Variants in ELP2 observed in about 807,000 individuals in gnomAD.
The protein encoded by ELP2 is elongator complex protein 2.
In ELP2, 90 loss-of-function variants were observed where a neutral mutation model predicts 119.2. The observed-to-expected ratio is 0.75, with a 90% CI of 0.64 to 0.90. ELP2 has a LOEUF of 0.90. Ranked by LOEUF, ELP2 falls within the 40% of genes least tolerant of loss-of-function variation. The probability of loss-of-function intolerance (pLI) is 0.00; values close to 1 mark genes in which losing one functional copy is unlikely to be tolerated. For missense variants in ELP2, 921 were observed against 967.8 expected (o/e 0.95, Z 0.64); for synonymous variants, 339 against 331.0 (o/e 1.02, Z -0.26).
rs554587235 is a variant in ELP2 at position 36,138,299 on chromosome 18, T to C, written c.318T>C (p.His106=). ...QLLKAVHLQG[H]EGPVYAVHAV... is the part of the protein sequence containing the mutation. ...TAAAAGCAGTGCATCTTCAAGGCCA[T>C]GAAGGACCTGTTTATGCGGTGCATG... The change falls in exon 4 of 22, where the codon CAT becomes CAC. Residue 106 remains histidine (H), a synonymous_variant. Coordinates refer to ENST00000358232, the MANE Select transcript of ELP2 (RefSeq NM_018255.4). 1.5e-5 allele frequency: 24 copies of C among 1,614,138 alleles called. No homozygotes were observed. Among genetic ancestry groups the C allele is most frequent in the South Asian group, 1.4e-4 (13 of 91,086 alleles).
Position 36,175,068 on chromosome 18 carries a change from T to C in ELP2, c.*427T>C, listed in dbSNP as rs2091192947. 5.6e-6 allele frequency: 1 copy of C among 180,090 alleles called. No individual in the cohort carries two copies. Among genetic ancestry groups the C allele is most frequent in the South Asian group, 1.2e-4 (1 of 8,370 alleles). The allele number at this position is 180,090 out of a possible 1,614,324, so 11.2% of individuals were successfully genotyped here. A position where few individuals can be genotyped will look rare whatever the true frequency, so the allele number is the denominator to read the frequency against. On this transcript the variant is annotated 3_prime_UTR_variant, in exon 22 of 22. Transcript: ENST00000358232. ...ACCCTTTGAAATGCGATGAAAGCTA[T>C]ATGGACCCTTCGCTTTGTTATATAA...
rs780488215 is a variant in ELP2, at chr18:36,167,081, T to C, written c.1955-20T>C. ...CCAGCTTTCTCTGCTTTGTGAATAGTGTATACATATTTCTTTCAGAGCCAG... is the reference window on the plus strand; with the variant it reads ...CCAGCTTTCTCTGCTTTGTGAATAGCGTATACATATTTCTTTCAGAGCCAG... On this transcript the variant is annotated intron_variant, in intron 18 of 21. Coordinates refer to ENST00000358232, the MANE Select transcript of ELP2 (RefSeq NM_018255.4). The C allele has an allele frequency of 1.7e-5, 27 of 1,593,236 alleles. No individual in the cohort carries two copies. The highest frequency in any genetic ancestry group is 8.5e-7 in the Non-Finnish European group (1 of 1,170,760).
intron 12 of ELP2, among the ~76,000 whole-genome samples, chr18:36,155,273 C>A (rs1039010394): frequency 2.1e-5 from 3 of 146,302 alleles, no homozygotes; most frequent in Non-Finnish European, 3.0e-5. Flanking sequence ...CTCCCCCCCC[C>A]CCGCCTCCCA....
chr18:36,160,625 T>G (rs1280443088), intron 16 of ELP2, among the ~76,000 whole-genome samples: 1 of 152,148 alleles, frequency 6.6e-6, no homozygotes, highest in Non-Finnish European at 1.5e-5. Flanking sequence ...ATGGTCTTTT[T>G]GTCTTTGATG....
Position 36,134,926 on chromosome 18 carries a change from C to G in ELP2, c.218-1381C>G, listed in dbSNP as rs144470867. On this transcript the variant is annotated intron_variant, in intron 2 of 21. Transcript: ENST00000358232. ...GAGCCAGGCACAAATGCAAAATTTTCTGAATTATTAAGACTTTGCTATGAT... is the reference window on the plus strand; with the variant it reads ...GAGCCAGGCACAAATGCAAAATTTTGTGAATTATTAAGACTTTGCTATGAT... Among the ~76,000 whole-genome samples the G allele has an allele frequency of 1.2e-3, 177 of 152,202 alleles. No homozygotes were observed. The East Asian group carries it at 0.022, about 19-fold the overall frequency.
intron 2 of ELP2, among the ~76,000 whole-genome samples, 178 bp from the exon 3 acceptor site, chr18:36,136,129 G>C (rs1789551): frequency 1.3e-5 from 2 of 151,954 alleles, no homozygotes; most frequent in Non-Finnish European, 2.9e-5. Context: ...CCTCCTAAAA[G>C]GTGTGTGTGT....
chr18:36,167,309 T>A, intron 19 of ELP2, 87 bp downstream of exon 19: 1 of 1,038,028 alleles, frequency 9.6e-7, no homozygotes, highest in East Asian at 2.8e-5. Flanking sequence ...TAATCCTGCC[T>A]TTCTGTTACA....
In ELP2 at chr18:36,170,201, GTC is replaced by G. The variant is rs1434858322; in HGVS notation, c.2210+9_2210+10del. 4.3e-6 allele frequency: 7 copies of G among 1,614,130 alleles called. No individual in the cohort carries two copies. In the South Asian group the frequency reaches 7.7e-5, roughly 18 times the overall value. On this transcript the variant is annotated splice_donor_region_variant and intron_variant, in intron 20 of 21. Transcript: ENST00000358232. ...AGTGCTCCACCCTTCTCAACGGTCA[GTC>G]TCTGTGTGGGGCTTAGTTTTAAGAG...
chr18:36,166,332 T>TTTG (rs2090902459), intron 18 of ELP2, among the ~76,000 whole-genome samples: 2 of 119,932 alleles, frequency 1.7e-5, no homozygotes, highest in Non-Finnish European at 3.4e-5. Flanking sequence ...TTTTTTTTTT[T>TTTG]TTTTTTTTTT....
At chr18:36,160,592 A>AG (rs34143863) in intron 16 of ELP2, among the ~76,000 whole-genome samples, 3 of 149,784 alleles carry the variant, frequency 2.0e-5, no homozygotes, top group African/African-American at 7.4e-5. Context: ...AAAAAAAAAA[A>AG]GACTTAAGTT....
intron 16 of ELP2, 144 bp downstream of exon 16, chr18:36,160,159 A>G: frequency 1.4e-6 from 1 of 725,648 alleles, no homozygotes; most frequent in Non-Finnish European, 2.5e-6. Flanking sequence ...GTGGCTCTTC[A>G]TAAGGAATGA....
rs536674229 is a variant in ELP2 at position 36,164,028 on chromosome 18, CAT to C, written c.1762-444_1762-443del. ...ATTTTAACAATATTGAGTATTTTGA[CAT>C]ATGAATGCAATATGCCTGTCATTCA... On this transcript the variant is annotated intron_variant, in intron 17 of 21. Coordinates refer to ENST00000358232, the MANE Select transcript of ELP2 (RefSeq NM_018255.4). Among the ~76,000 whole-genome samples, 15 of 152,236 alleles carry C rather than the reference CAT, an allele frequency of 9.9e-5. No individual in the cohort carries two copies. In the South Asian group the frequency reaches 2.9e-3, roughly 29 times the overall value.
intron 11 of ELP2, 152 bp from the exon 12 acceptor site, chr18:36,154,698 A>G: frequency 4.0e-6 from 3 of 758,388 alleles, no homozygotes; most frequent in South Asian, 3.2e-5. Flanking sequence ...TTGATTGGAA[A>G]ATGGATCCTA....
At position 36,150,525 on chromosome 18, in the gene ELP2, CCCT is replaced by C. The variant is rs141626133; in HGVS notation, c.1125+4146_1125+4148del. ...TGTTTCATAGCAAGACAGTAAATGC[CCCT>C]CAAGTGGAAATACTCTAGTCCAAAC... On this transcript the variant is annotated intron_variant, in intron 11 of 21. Transcript: ENST00000358232. Among the ~76,000 whole-genome samples, 1,464 of 152,230 alleles carry C rather than the reference CCCT, an allele frequency of 9.6e-3. 12 individuals carry two copies. Among genetic ancestry groups the C allele is most frequent in the Non-Finnish European group, 0.016 (1,104 of 68,004 alleles).
chr18:36,174,752 T>C lies in ELP2; in HGVS notation c.*111T>C, dbSNP rs1369318773. Reference sequence around the variant, plus strand: ...TGAGTTTCTGGGTTTTTTTTTTTTTTGAGATGGAGTCTTGCTTTGTCACAA... The same window carrying C: ...TGAGTTTCTGGGTTTTTTTTTTTTTCGAGATGGAGTCTTGCTTTGTCACAA... On this transcript the variant is annotated 3_prime_UTR_variant, in exon 22 of 22. Coordinates refer to ENST00000358232, the MANE Select transcript of ELP2 (RefSeq NM_018255.4). 1 of 1,033,158 alleles carries C rather than the reference T, an allele frequency of 9.7e-7. No homozygotes were observed. Among genetic ancestry groups the C allele is most frequent in the East Asian group, 2.6e-5 (1 of 38,344 alleles). 64.0% of individuals were successfully genotyped at this position (1,033,158 alleles called of 1,614,324 possible).
intron 19 of ELP2, among the ~76,000 whole-genome samples, chr18:36,168,374 A>G (rs1303705446): frequency 6.6e-6 from 1 of 152,190 alleles, no homozygotes; most frequent in African/African-American, 2.4e-5. Context: ...ATCTGTTTTC[A>G]TGCTGCTATG....
chr18:36,139,362 G>T (rs531426139), intron 5 of ELP2: 4 of 1,452,622 alleles, frequency 2.8e-6, no homozygotes, highest in African/African-American at 1.4e-5. Context: ...TTATCTTTGA[G>T]TATCTTCTAC....
At chr18:36,170,591 G>A (rs1354672647) in intron 20 of ELP2, among the ~76,000 whole-genome samples, 1 of 152,138 alleles carries the variant, frequency 6.6e-6, no homozygotes, top group Non-Finnish European at 1.5e-5. Flanking sequence ...TGGGATTACA[G>A]GCGTATGCCA....
chr18:36,140,786 T>A (rs942208886), intron 5 of ELP2, among the ~76,000 whole-genome samples: 4 of 152,268 alleles, frequency 2.6e-5, no homozygotes, highest in African/African-American at 7.2e-5. Flanking sequence ...GTTCATTATT[T>A]AGTTGTCTTA....
Sources: allele counts gnomAD v4.1 joint callset (sites outside exome capture counted in the v4.1 genomes callset), GRCh38; gene constraint gnomAD v4.1.1; transcripts MANE v1.5; gene names NCBI Gene and HGNC (gene_info 2026-07-23, HGNC 2026-07-21).